Variants in TCF7L1 observed in about 807,000 individuals in gnomAD.
TCF7L1 encodes transcription factor 7-like 1.
Under a neutral mutation model 63.7 loss-of-function variants are expected in TCF7L1, and 18 were observed. The ratio of observed to expected loss-of-function variants is 0.28; its 90% CI spans 0.20 to 0.42. The LOEUF is 0.42. Among genes scored for constraint, TCF7L1 ranks in the 10% least tolerant of loss-of-function variants. The probability of loss-of-function intolerance (pLI) is 1.00; values close to 1 mark genes in which losing one functional copy is unlikely to be tolerated. For missense variants in TCF7L1, 654 were observed against 779.3 expected (o/e 0.84, Z 1.91); for synonymous variants, 355 against 340.9 (o/e 1.04, Z -0.46).
At chr2:85,289,001 G>A (rs1010723866) in intron 4 of TCF7L1, among the ~76,000 whole-genome samples, 1 of 152,176 alleles carries the variant, frequency 6.6e-6, no homozygotes, top group African/African-American at 2.4e-5. Context: ...AGAATGAATG[G>A]TCTGGTAAAA....
rs199863668 is a variant in TCF7L1, at chr2:85,236,172, C to CA, written c.442-47323_442-47322insA. ...TGTCTCAAACCACGCCATCCCCCCCCCAAAAAAAACCCAACCTTGAGACTC... is the reference window on the plus strand; with the variant it reads ...TGTCTCAAACCACGCCATCCCCCCCCACAAAAAAAACCCAACCTTGAGACTC... On this transcript the variant is annotated intron_variant, in intron 3 of 11. Transcript: ENST00000282111. 1.4e-3 allele frequency among the ~76,000 whole-genome samples: 192 copies of CA among 134,648 alleles called. 2 individuals are homozygous for CA. The highest frequency in any genetic ancestry group is 6.7e-3 in the African/African-American group (173 of 25,828). The allele number at this position is 134,648 out of a possible 152,430, so 88.3% of individuals were successfully genotyped here. A position where few individuals can be genotyped will look rare whatever the true frequency, so the allele number is the denominator to read the frequency against.
chr2:85,200,103 T>C (rs1679240423), intron 3 of TCF7L1, among the ~76,000 whole-genome samples: 2 of 152,250 alleles, frequency 1.3e-5, no homozygotes, highest in Non-Finnish European at 2.9e-5. Context: ...TATTTTTGGA[T>C]AATATCCCAT....
At chr2:85,215,761 T>TGGGGGGGGGGGGGGGGG (rs1679686440) in intron 3 of TCF7L1, among the ~76,000 whole-genome samples, 1 of 2,038 alleles carries the variant, frequency 4.9e-4, no homozygotes, top group African/African-American at 1.8e-3. Flanking sequence ...GCTGCTGGGG[T>TGGGGGGGGGGGGGGGGG]GGGGGTGGGG....
intron 3 of TCF7L1, among the ~76,000 whole-genome samples, chr2:85,204,070 G>A (rs1040844402): frequency 6.6e-6 from 1 of 152,100 alleles, no homozygotes; most frequent in African/African-American, 2.4e-5. Flanking sequence ...TTAATAAAGA[G>A]ATGCTTGCTA....
intron 4 of TCF7L1, among the ~76,000 whole-genome samples, chr2:85,286,709 G>A (rs1296137173): frequency 6.6e-6 from 1 of 152,048 alleles, no homozygotes. Flanking sequence ...TGGTCAGACT[G>A]GTCTCAAACT....
intron 3 of TCF7L1, among the ~76,000 whole-genome samples, chr2:85,171,254 G>A (rs762351710): frequency 5.9e-5 from 9 of 152,286 alleles, no homozygotes; most frequent in Middle Eastern, 3.4e-3. Context: ...ACCTCCCACC[G>A]GGTCCCTTCC....
At chr2:85,203,025 C>T (rs976028930) in intron 3 of TCF7L1, among the ~76,000 whole-genome samples, 10 of 151,964 alleles carry the variant, frequency 6.6e-5, no homozygotes, top group East Asian at 1.9e-4. Flanking sequence ...TTGGTAGAGA[C>T]GGGGTTTCAC....
At chr2:85,242,578 C>A (rs1187644555) in intron 3 of TCF7L1, among the ~76,000 whole-genome samples, 1 of 152,212 alleles carries the variant, frequency 6.6e-6, no homozygotes. Context: ...CCATCTGCAG[C>A]CTTCCTCCTT....
chr2:85,278,981 G>A (rs6736348), intron 3 of TCF7L1, among the ~76,000 whole-genome samples: 106,313 of 152,176 alleles, frequency 0.7, 38,478 homozygotes, highest in East Asian at 0.85. Context: ...GTTACATTCC[G>A]GTGGGCATCC....
chr2:85,144,611 AT>A (rs961103790), intron 3 of TCF7L1, among the ~76,000 whole-genome samples: 46 of 151,562 alleles, frequency 3.0e-4, no homozygotes, highest in African/African-American at 2.2e-4. Flanking sequence ...CAAAAAAAAA[AT>A]TTTTTTTGAA....
chr2:85,181,562 C>T (rs549905715), intron 3 of TCF7L1, among the ~76,000 whole-genome samples: 12 of 152,206 alleles, frequency 7.9e-5, no homozygotes, highest in African/African-American at 2.9e-4. Flanking sequence ...CAGGCAGCTC[C>T]CAGAGCCCAG....
At chr2:85,302,024 A>G (rs1681991722) in intron 4 of TCF7L1, among the ~76,000 whole-genome samples, 1 of 152,128 alleles carries the variant, frequency 6.6e-6, no homozygotes, top group Admixed American at 6.6e-5. Flanking sequence ...GCTACTCCAG[A>G]GGCTGAGACA....
At chr2:85,296,635 A>G (rs1681844022) in intron 4 of TCF7L1, among the ~76,000 whole-genome samples, 1 of 152,180 alleles carries the variant, frequency 6.6e-6, no homozygotes, top group Non-Finnish European at 1.5e-5. Context: ...TTTAGCAGGC[A>G]GTGATGGTTT....
chr2:85,214,977 C>T (rs1679661864), intron 3 of TCF7L1, among the ~76,000 whole-genome samples: 1 of 152,082 alleles, frequency 6.6e-6, no homozygotes, highest in Admixed American at 6.6e-5. Flanking sequence ...AAACACCAGC[C>T]AGCTATGGAG....
chr2:85,306,269 T>C lies in TCF7L1; in HGVS notation c.1053T>C (p.Asn351=), dbSNP rs1362069975. ...EKKPHVKKPL[N]AFMLYMKEMR... ...AGCCCCACGTGAAGAAGCCTCTGAA[T>C]GCCTTCATGTTGTATATGAAGGAGA... Residue 351 remains asparagine (N), a synonymous_variant, in exon 9 of 12, where the codon AAT becomes AAC. Transcript: ENST00000282111. This position sits in a 1 kb window ranked among gnomAD's most constrained non-coding sequence, Gnocchi z 4.3. 6.2e-7 allele frequency: 1 copy of C among 1,614,056 alleles called. No homozygotes were observed. The highest frequency in any genetic ancestry group is 8.5e-7 in the Non-Finnish European group (1 of 1,180,046).
chr2:85,262,210 A>C, intron 3 of TCF7L1: 1 of 550,694 alleles, frequency 1.8e-6, no homozygotes, highest in Non-Finnish European at 3.7e-6. Context: ...ACTTGCTCAT[A>C]GAGCCACACC....
Position 85,302,478 on chromosome 2 carries a change from T to C in TCF7L1, c.526-6T>C. On this transcript the variant is annotated splice_polypyrimidine_tract_variant and splice_region_variant and intron_variant, in intron 4 of 11. Coordinates refer to ENST00000282111, the MANE Select transcript of TCF7L1 (RefSeq NM_031283.3). ...AACCATTCCTGGTCTTTTTTGTCTC[T>C]TTCAGTCTAATAAAGTTCCTGTCGT... 6.2e-7 allele frequency: 1 copy of C among 1,614,168 alleles called. No homozygotes were observed. The highest frequency in any genetic ancestry group is 1.6e-4 in the Middle Eastern group (1 of 6,062).
intron 3 of TCF7L1, 29 bp from the exon 4 acceptor site, chr2:85,283,466 C>G: frequency 6.2e-7 from 1 of 1,613,594 alleles, no homozygotes; most frequent in Non-Finnish European, 8.5e-7. Context: ...ATCTCACCAA[C>G]AGCTTTTTCT....
In TCF7L1 at chr2:85,144,747, G is replaced by T. The variant is rs56311108; in HGVS notation, c.441+10297G>T. 7.0e-4 allele frequency among the ~76,000 whole-genome samples: 103 copies of T among 147,828 alleles called. No homozygotes were observed. In the South Asian group the frequency reaches 7.2e-3, roughly 10 times the overall value. On this transcript the variant is annotated intron_variant, in intron 3 of 11. Transcript: ENST00000282111. ...TGTGTGTGTGTGTGTGTGTGTGTGT[G>T]TGTATGTGTGTGTGTGTGTATGTAT... is the stretch of plus-strand genomic sequence containing the variant.
Sources: gnomAD v4.1 joint callset for allele counts (sites outside exome capture counted in the v4.1 genomes callset) on GRCh38, gnomAD v4.1.1 for gene constraint, Gnocchi (gnomAD v3.1) non-coding constraint, MANE v1.5 for transcripts, NCBI Gene and HGNC (gene_info 2026-07-23, HGNC 2026-07-21) for gene names.